The following AGBL1 variants were observed in gnomAD, a reference collection of about 807,000 sequenced individuals.
AGBL1 encodes cytosolic carboxypeptidase 4.
In AGBL1, 130 loss-of-function variants were observed where a neutral mutation model predicts 118.9. The ratio of observed to expected loss-of-function variants is 1.09; its 90% confidence interval spans 0.95 to 1.26. AGBL1 has a LOEUF of 1.26. AGBL1 is among the 50% of genes most tolerant of loss of function. The pLI is 0.00. For synonymous variants in AGBL1, 555 were observed against 478.9 expected (o/e 1.16, Z -2.08); for missense variants, 1,584 against 1,298.1 (o/e 1.22, Z -3.38).
At chr15:86,920,367 C>G (rs1013963015), downstream of AGBL1, among the ~76,000 whole-genome samples, 12 of 152,176 alleles carry the variant, frequency 7.9e-5, no homozygotes, top group African/African-American at 2.9e-4. Flanking sequence ...TCTTTTACTT[C>G]TACTAGCCAG....
chr15:86,749,204 T>A (rs1012846796), intron 22 of AGBL1, among the ~76,000 whole-genome samples: 2 of 152,188 alleles, frequency 1.3e-5, no homozygotes, highest in African/African-American at 4.8e-5. Flanking sequence ...GATTTGTAGT[T>A]CTCCTTGAAG....
chr15:86,163,857 C>G (rs1484871137), intron 5 of AGBL1, among the ~76,000 whole-genome samples: 2 of 152,194 alleles, frequency 1.3e-5, no homozygotes, highest in African/African-American at 4.8e-5. Flanking sequence ...ATGCTAGGCA[C>G]TTCATATTTG....
chr15:86,819,486 C>T (rs2078910037), intron 22 of AGBL1, among the ~76,000 whole-genome samples: 1 of 151,928 alleles, frequency 6.6e-6, no homozygotes, highest in South Asian at 2.1e-4. Flanking sequence ...TTCCTATATA[C>T]CAATAATAGA....
intron 22 of AGBL1, among the ~76,000 whole-genome samples, chr15:86,780,657 C>CTTTTTTTTTTTTTT (rs71144066): frequency 1.4e-5 from 2 of 143,004 alleles, no homozygotes; most frequent in Non-Finnish European, 1.5e-5. Flanking sequence ...TCTTTAACTT[C>CTTTTTTTTTTTTTT]TTTTTTTTTT....
chr15:86,517,823 C>T (rs1429066895), intron 18 of AGBL1, among the ~76,000 whole-genome samples: 2 of 152,120 alleles, frequency 1.3e-5, no homozygotes, highest in Non-Finnish European at 2.9e-5. Context: ...TCCATCCAAA[C>T]CATGTTTATT....
At chr15:86,281,089 A>G (rs967688975) in intron 16 of AGBL1, among the ~76,000 whole-genome samples, 2 of 152,202 alleles carry the variant, frequency 1.3e-5, no homozygotes, top group African/African-American at 4.8e-5. Context: ...CTGCACATGA[A>G]AAGTCTACTG....
chr15:86,174,891 C>A (rs2077462232), intron 5 of AGBL1, among the ~76,000 whole-genome samples: 1 of 151,758 alleles, frequency 6.6e-6, no homozygotes, highest in African/African-American at 2.4e-5. Context: ...TGTTGGTTTG[C>A]TAGTATTTTG....
chr15:86,820,147 T>C (rs746247083), intron 22 of AGBL1, among the ~76,000 whole-genome samples: 4 of 152,192 alleles, frequency 2.6e-5, no homozygotes, highest in African/African-American at 9.7e-5. Flanking sequence ...TAACTCAAGA[T>C]GGATATAAGA....
At chr15:86,921,262 C>T (rs956771504) in intron 23 of AGBL1, among the ~76,000 whole-genome samples, 7 of 152,120 alleles carry the variant, frequency 4.6e-5, no homozygotes, top group Non-Finnish European at 8.8e-5. Flanking sequence ...GAGTTCCAGC[C>T]TGTGGATGGG....
chr15:86,384,534 T>A (rs915591176), intron 17 of AGBL1, among the ~76,000 whole-genome samples: 1 of 151,270 alleles, frequency 6.6e-6, no homozygotes, highest in Non-Finnish European at 1.5e-5. Context: ...TACGTATCAT[T>A]ATAGCACAGA....
chr15:87,017,239 G>A (rs368925510), intron 24 of AGBL1, among the ~76,000 whole-genome samples: 9 of 152,168 alleles, frequency 5.9e-5, no homozygotes, highest in African/African-American at 2.2e-4. Flanking sequence ...TCCAGATGAG[G>A]AAGGGTCCCC....
At chr15:86,143,157 G>C (rs1244636912) in intron 2 of AGBL1, among the ~76,000 whole-genome samples, 1 of 152,170 alleles carries the variant, frequency 6.6e-6, no homozygotes, top group Non-Finnish European at 1.5e-5. Context: ...AAATTCCCTA[G>C]ATAGGATGAT....
chr15:86,615,181 G>T lies in AGBL1; in HGVS notation c.2995-59092G>T, dbSNP rs2084704236. ...AAATGAGAGTAATTCTAGCAGATTT[G>T]CCTTCCAGATGCCTCTGCCAGCAAT... is the stretch of plus-strand genomic sequence containing the variant. On this transcript the variant is annotated intron_variant, in intron 21 of 22. Transcript: ENST00000614907. This position sits in a 1 kb window ranked among gnomAD's most constrained non-coding sequence, Gnocchi z 4.3. Among the ~76,000 whole-genome samples the T allele has an allele frequency of 6.6e-6, 1 of 152,180 alleles. No individual in the cohort carries two copies. The highest frequency in any genetic ancestry group is 1.5e-5 in the Non-Finnish European group (1 of 68,026).
chr15:86,337,799 C>G (rs757040015), intron 17 of AGBL1, among the ~76,000 whole-genome samples: 3 of 152,170 alleles, frequency 2.0e-5, no homozygotes, highest in Non-Finnish European at 4.4e-5. Context: ...CAGCAAATCA[C>G]CATGGCACAT....
chr15:86,745,161 C>A (rs1177309636), intron 22 of AGBL1, among the ~76,000 whole-genome samples: 2 of 151,946 alleles, frequency 1.3e-5, no homozygotes, highest in South Asian at 2.1e-4. Context: ...GGAATGACAT[C>A]CTGGCATATT....
At chr15:86,736,075 A>G (rs2077592834) in intron 22 of AGBL1, among the ~76,000 whole-genome samples, 1 of 152,108 alleles carries the variant, frequency 6.6e-6, no homozygotes, top group African/African-American at 2.4e-5. Context: ...AAGGAGATAA[A>G]TATTATGAAT....
chr15:86,953,224 A>G (rs1257371688), intron 23 of AGBL1, among the ~76,000 whole-genome samples: 1 of 152,120 alleles, frequency 6.6e-6, no homozygotes, highest in Non-Finnish European at 1.5e-5. Context: ...GTGTGATAGG[A>G]ACAGTGTTAA....
chr15:86,204,908 A>G (rs2077966785), intron 5 of AGBL1, among the ~76,000 whole-genome samples: 1 of 152,096 alleles, frequency 6.6e-6, no homozygotes, highest in Non-Finnish European at 1.5e-5. Flanking sequence ...CTGAATCTAC[A>G]TTGGCACTTC....
At chr15:86,988,079 A>C (rs186628923) in exon 24 of AGBL1, 1 of 1,613,478 alleles carries the variant, frequency 6.2e-7, no homozygotes, top group Admixed American at 1.7e-5. Context: ...CTTCTTCTGC[A>C]TGTCTCCCCG....
Sources: allele counts gnomAD v4.1 joint callset (sites outside exome capture counted in the v4.1 genomes callset), GRCh38; gene constraint gnomAD v4.1.1; non-coding constraint Gnocchi (gnomAD v3.1); transcripts MANE v1.5; gene names NCBI Gene and HGNC (gene_info 2026-07-23, HGNC 2026-07-21).